Variants in TSC22D2 observed in about 807,000 individuals in gnomAD.
TSC22D2 encodes the protein TSC22 domain family member 2, also known as TSC22 domain family protein 2.
Under a neutral mutation model 50.1 loss-of-function variants are expected in TSC22D2, and 5 were observed. The observed-to-expected ratio is 0.10, with a 90% CI of 0.05 to 0.21. The LOEUF (loss-of-function observed/expected upper bound fraction) is 0.21. Ranked by LOEUF, TSC22D2 falls within the 10% of genes least tolerant of loss-of-function variation. The pLI, the probability that TSC22D2 is intolerant of heterozygous loss-of-function variation, is 1.00. For synonymous variants in TSC22D2, 501 were observed against 450.1 expected, an observed-to-expected ratio of 1.11 and a Z score of -1.43; for missense variants, 1,003 against 1,015.5, an observed-to-expected ratio of 0.99 and a Z score of 0.17.
intron 1 of TSC22D2, among the ~76,000 whole-genome samples, chr3:150,418,483 A>C (rs1343532685): frequency 6.6e-6 from 1 of 151,942 alleles, no homozygotes; most frequent in Non-Finnish European, 1.5e-5. Flanking sequence ...CCTCTCTGCT[A>C]CCTCTGTCCT....
Position 150,410,508 on chromosome 3 carries a change from C to G in TSC22D2, c.1158C>G (p.Ala386=). 2 of 1,593,548 alleles carry G rather than the reference C, an allele frequency of 1.3e-6. No individual in the cohort carries two copies. The highest frequency in any genetic ancestry group is 1.7e-6 in the Non-Finnish European group (2 of 1,171,694). Residue 386 remains alanine (A), a synonymous_variant, in exon 1 of 3, where the codon GCC becomes GCG. Coordinates refer to ENST00000688009, the MANE Select transcript of TSC22D2 (RefSeq NM_001303264.2). ...GQSEYLQQHV[A]GLQPPSPAQP... The stretch of plus-strand genomic sequence containing the variant: ...GTGAGTACCTGCAGCAGCACGTGGC[C>G]GGCCTGCAGCCGCCAAGCCCCGCGC...
chr3:150,439,849 T>C (rs1241662978), intron 1 of TSC22D2, among the ~76,000 whole-genome samples: 1 of 152,310 alleles, frequency 6.6e-6, no homozygotes, highest in East Asian at 1.9e-4. Flanking sequence ...TATTCAATGC[T>C]GGGTTACTAT....
intron 1 of TSC22D2, among the ~76,000 whole-genome samples, chr3:150,448,028 A>G (rs1720936693): frequency 1.3e-5 from 2 of 152,202 alleles, no homozygotes; most frequent in South Asian, 4.1e-4. Context: ...AGCCTGCTCT[A>G]AATGTTAAGT....
chr3:150,439,238 C>T (rs1720642589), intron 1 of TSC22D2, among the ~76,000 whole-genome samples: 1 of 152,132 alleles, frequency 6.6e-6, no homozygotes, highest in East Asian at 1.9e-4. Flanking sequence ...AGCCAGAAGG[C>T]ATGGGTTGAT....
rs1260980670 is a variant in TSC22D2 at position 150,411,353 on chromosome 3, AACATT to A, written c.1958+46_1958+50del. The A allele has an allele frequency of 3.2e-6, 5 of 1,538,800 alleles. No individual in the cohort carries two copies. In the African/African-American group the frequency reaches 7.0e-5, roughly 21 times the overall value. On this transcript the variant is annotated intron_variant, in intron 1 of 2. Coordinates refer to ENST00000688009, the MANE Select transcript of TSC22D2 (RefSeq NM_001303264.2). ...AAATATTTGATAGAAATGCTTGGCC[AACATT>A]GTAGCTTAGGATGCAACTTTGGGAG... is the stretch of plus-strand genomic sequence containing the variant.
chr3:150,448,065 C>A (rs551872989), intron 1 of TSC22D2, among the ~76,000 whole-genome samples: 1 of 152,176 alleles, frequency 6.6e-6, no homozygotes, highest in Non-Finnish European at 1.5e-5. Context: ...AAATGCCACC[C>A]TCCTCATACC....
At position 150,410,958 on chromosome 3, in the gene TSC22D2, C is replaced by G. The variant is rs1264457963; in HGVS notation, c.1608C>G (p.Ala536=). The G allele has an allele frequency of 1.2e-6, 2 of 1,614,084 alleles. No individual in the cohort carries two copies. Among genetic ancestry groups the G allele is most frequent in the African/African-American group, 2.7e-5 (2 of 74,944 alleles). ...VTMPNVPAPL[A]QSQQLSSHTP... ...TGCCAAATGTACCCGCGCCTCTGGCCCAGTCGCAACAGCTGAGCAGCCATA... is the reference window on the plus strand; with the variant it reads ...TGCCAAATGTACCCGCGCCTCTGGCGCAGTCGCAACAGCTGAGCAGCCATA... Residue 536 remains alanine, a synonymous_variant, in exon 1 of 3, where the codon GCC becomes GCG. Coordinates refer to ENST00000688009, the MANE Select transcript of TSC22D2 (RefSeq NM_001303264.2).
rs1441595884 is a variant in TSC22D2 at position 150,410,801 on chromosome 3, C to T, written c.1451C>T (p.Pro484Leu). The part of the protein sequence containing the change: ...GAGQPQSVPP[P>L]QMGGSGPLSA... ...GGGCAGCCCCAGTCCGTGCCTCCGC[C>T]GCAGATGGGTGGCAGTGGTCCGCTG... The change falls in exon 1 of 3, where the codon CCG (proline) becomes CTG (leucine). Residue 484 changes from proline (P) to leucine (L), a missense_variant. This residue lies in a region of TSC22D2 where 696 missense variants were observed against 647.8 expected (regional missense o/e 1.07). Coordinates refer to ENST00000688009, the MANE Select transcript of TSC22D2 (RefSeq NM_001303264.2). The T allele has an allele frequency of 1.2e-6, 2 of 1,613,028 alleles. No individual in the cohort carries two copies. The highest frequency in any genetic ancestry group is 1.7e-6 in the Non-Finnish European group (2 of 1,179,848).
intron 1 of TSC22D2, among the ~76,000 whole-genome samples, chr3:150,438,560 C>T (rs1720620553): frequency 6.6e-6 from 1 of 151,996 alleles, no homozygotes; most frequent in Admixed American, 6.6e-5. Context: ...TTAGTAAATA[C>T]ATCAGTTTAA....
At chr3:150,416,814 G>A (rs1408754660) in intron 1 of TSC22D2, among the ~76,000 whole-genome samples, 1 of 152,060 alleles carries the variant, frequency 6.6e-6, no homozygotes, top group Non-Finnish European at 1.5e-5. Flanking sequence ...CTGTATGAAA[G>A]TATTGCATGA....
chr3:150,419,299 A>C (rs922720581), intron 1 of TSC22D2, among the ~76,000 whole-genome samples: 1 of 152,110 alleles, frequency 6.6e-6, no homozygotes. Flanking sequence ...AGTGCTTTTG[A>C]ATATTCCCAG....
chr3:150,433,382 G>A (rs756775081), intron 1 of TSC22D2, among the ~76,000 whole-genome samples: 10 of 152,228 alleles, frequency 6.6e-5, no homozygotes, highest in Non-Finnish European at 1.5e-4. Context: ...CAGTATCAAT[G>A]CTAATGGTGG....
chr3:150,437,260 A>T (rs1560087356), intron 1 of TSC22D2, among the ~76,000 whole-genome samples: 1 of 152,190 alleles, frequency 6.6e-6, no homozygotes, highest in African/African-American at 2.4e-5. Flanking sequence ...CCATTATTAA[A>T]TCTTCCTACC....
Position 150,458,694 on chromosome 3 carries a change from T to C in TSC22D2, c.*58T>C. The C allele has an allele frequency of 6.3e-7, 1 of 1,590,900 alleles. No individual in the cohort carries two copies. The highest frequency in any genetic ancestry group is 1.1e-5 in the South Asian group (1 of 87,570). ...AAAGCAATCTATCCTTGTGTGCCAC[T>C]GGTGTTCTTTCCACTTTATACGAAA... On this transcript the variant is annotated 3_prime_UTR_variant, in exon 3 of 3. Transcript: ENST00000688009.
intron 1 of TSC22D2, among the ~76,000 whole-genome samples, chr3:150,446,289 C>T (rs73167539): frequency 0.18 from 26,650 of 151,952 alleles, 2,537 homozygotes; most frequent in African/African-American, 0.2. Context: ...TAAACTGAAA[C>T]GTAGACAACT....
chr3:150,431,803 T>C (rs891928994), intron 1 of TSC22D2, among the ~76,000 whole-genome samples: 2 of 152,198 alleles, frequency 1.3e-5, no homozygotes, highest in Non-Finnish European at 2.9e-5. Flanking sequence ...TGGATATTAA[T>C]GTGTCCCTTA....
At position 150,410,767 on chromosome 3, in the gene TSC22D2, G is replaced by C. The variant is rs751012974; in HGVS notation, c.1417G>C (p.Ala473Pro). The C allele has an allele frequency of 6.2e-7, 1 of 1,610,466 alleles. No individual in the cohort carries two copies. The highest frequency in any genetic ancestry group is 1.7e-5 in the Admixed American group (1 of 59,788). ...CGTGGTGCAGCCGTGCCTCGGTCCT[G>C]CCGGGGCTGGGCAGCCCCAGTCCGT... is the stretch of plus-strand genomic sequence containing the variant. Reference protein sequence around the residue: ...GGVVQPCLGPAGAGQPQSVPP... With the variant: ...GGVVQPCLGPPGAGQPQSVPP... The change falls in exon 1 of 3, where the codon GCC (alanine) becomes CCC (proline). Residue 473 changes from alanine (A) to proline (P), a missense_variant. Ala to Pro is a conservative substitution (Grantham distance 27, BLOSUM62 -1). Transcript: ENST00000688009.
At chr3:150,421,373 T>C (rs1478202993) in intron 1 of TSC22D2, among the ~76,000 whole-genome samples, 3 of 151,930 alleles carry the variant, frequency 2.0e-5, no homozygotes, top group Non-Finnish European at 4.4e-5. Context: ...AATGTTCAAT[T>C]GGTTCAGTTA....
intron 2 of TSC22D2, among the ~76,000 whole-genome samples, chr3:150,457,620 G>A (rs879275036): frequency 3.3e-5 from 5 of 151,872 alleles, no homozygotes; most frequent in East Asian, 1.9e-4. Flanking sequence ...GCAAGACCCC[G>A]TCTCTACAAA....
Sources: gnomAD v4.1 joint callset for allele counts (sites outside exome capture counted in the v4.1 genomes callset) on GRCh38, gnomAD v4.1.1 for gene constraint, gnomAD v4.1.1 regional missense constraint, MANE v1.5 for transcripts, NCBI Gene and HGNC (gene_info 2026-07-23, HGNC 2026-07-21) for gene names.